The following KIRREL3 variants were observed in gnomAD, a reference collection of about 807,000 sequenced individuals.
KIRREL3 encodes the protein kin of IRRE-like protein 3.
Under a neutral mutation model 89.7 loss-of-function variants are expected in KIRREL3, and 36 were observed. The observed-to-expected ratio is 0.40, with a 90% CI of 0.31 to 0.53. The LOEUF (loss-of-function observed/expected upper bound fraction) is 0.53, where lower values mean the gene tolerates loss of function less well. Among genes scored for constraint, KIRREL3 ranks in the 20% least tolerant of loss-of-function variants. The pLI, the probability that KIRREL3 is intolerant of heterozygous loss-of-function variation, is 0.49. For missense variants in KIRREL3, 864 were observed against 1,056.6 expected (o/e 0.82, Z 2.53); for synonymous variants, 445 against 441.4 (o/e 1.01, Z -0.10).
intron 1 of KIRREL3, among the ~76,000 whole-genome samples, chr11:126,751,434 T>C (rs1395839512): frequency 6.6e-6 from 1 of 152,232 alleles, no homozygotes; most frequent in Non-Finnish European, 1.5e-5. Context: ...TTGAAAGCTG[T>C]TTTAAAAACA....
chr11:126,884,836 G>A (rs1225650087), intron 1 of KIRREL3, among the ~76,000 whole-genome samples: 3 of 152,124 alleles, frequency 2.0e-5, no homozygotes, highest in Non-Finnish European at 4.4e-5. Flanking sequence ...GTACAGAGCT[G>A]CAGTGGTGAG....
chr11:126,852,722 G>T (rs1944383721), intron 1 of KIRREL3, among the ~76,000 whole-genome samples: 1 of 152,196 alleles, frequency 6.6e-6, no homozygotes, highest in South Asian at 2.1e-4. Flanking sequence ...TTTTATCACA[G>T]TAATTTTCAA....
At chr11:126,960,261 A>G (rs1949045363) in intron 1 of KIRREL3, among the ~76,000 whole-genome samples, 1 of 152,220 alleles carries the variant, frequency 6.6e-6, no homozygotes, top group Non-Finnish European at 1.5e-5. Context: ...AGAAACAAGC[A>G]GTTATCTTAA....
At chr11:126,545,610 A>AAAAAT (rs200693654) in intron 2 of KIRREL3, among the ~76,000 whole-genome samples, 3,395 of 148,326 alleles carry the variant, frequency 0.023, 82 homozygotes, top group East Asian at 0.059. Context: ...CTCAATTTTT[A>AAAAAT]AAAATAAAAT....
At chr11:126,842,275 G>A (rs1055822555) in intron 1 of KIRREL3, among the ~76,000 whole-genome samples, 1 of 152,078 alleles carries the variant, frequency 6.6e-6, no homozygotes, top group Non-Finnish European at 1.5e-5. Context: ...GGATGCCCCT[G>A]CTCAATCGGC....
rs563145206 is a variant in KIRREL3, at chr11:126,432,534, G to T, written c.1589-1008C>A. ...GCCAAGGACACACAGGAGCTGCCCA[G>T]CCAGGGTCAATCCAGGTCTCCTCTC... On this transcript the variant is annotated intron_variant, in intron 13 of 16. Transcript: ENST00000525144. This position sits in a 1 kb window ranked among gnomAD's most constrained non-coding sequence, Gnocchi z 6.2. Among the ~76,000 whole-genome samples, 1 of 152,218 alleles carries T rather than the reference G, an allele frequency of 6.6e-6. No homozygotes were observed. Among genetic ancestry groups the T allele is most frequent in the South Asian group, 2.1e-4 (1 of 4,828 alleles).
In KIRREL3 at chr11:126,522,235, G is replaced by C. The variant is rs561251556; in HGVS notation, c.284-771C>G. ...TGATAAGATAGAGAGGAGAGAGAGAGAGACAGACAGACAGAGAGACCCAGG... is the reference window on the plus strand; with the variant it reads ...TGATAAGATAGAGAGGAGAGAGAGACAGACAGACAGACAGAGAGACCCAGG... On this transcript the variant is annotated intron_variant, in intron 3 of 16. Coordinates refer to ENST00000525144, the MANE Select transcript of KIRREL3 (RefSeq NM_032531.4). The surrounding 1 kb of genome is among the most constrained non-coding windows in gnomAD (Gnocchi z 6.0). Among the ~76,000 whole-genome samples, 8 of 152,302 alleles carry C rather than the reference G, an allele frequency of 5.3e-5. No individual in the cohort carries two copies. Among genetic ancestry groups the C allele is most frequent in the Non-Finnish European group, 1.0e-4 (7 of 68,034 alleles).
intron 1 of KIRREL3, among the ~76,000 whole-genome samples, chr11:126,590,587 G>C (rs540513592): frequency 1.3e-5 from 2 of 152,248 alleles, no homozygotes; most frequent in Non-Finnish European, 2.9e-5. Flanking sequence ...TCTCAGCTAA[G>C]TGGGGGGCTG....
chr11:127,000,806 C>T (rs1950298885), upstream of KIRREL3: 3 of 485,304 alleles, frequency 6.2e-6, no homozygotes. This position sits in a 1 kb window ranked among gnomAD's most constrained non-coding sequence, Gnocchi z 7.1. Flanking sequence ...CTTCCTCAGG[C>T]GGGCTCCTCC....
At chr11:126,503,071 T>A (rs892273323) in intron 4 of KIRREL3, among the ~76,000 whole-genome samples, 1 of 152,214 alleles carries the variant, frequency 6.6e-6, no homozygotes, top group African/African-American at 2.4e-5. Flanking sequence ...CCCTTGATTA[T>A]TTTTCCTCCC....
intron 2 of KIRREL3, among the ~76,000 whole-genome samples, chr11:126,559,803 G>A (rs186800527): frequency 4.4e-4 from 67 of 152,132 alleles, no homozygotes; most frequent in African/African-American, 1.6e-3. Flanking sequence ...CTGAGTAGCT[G>A]GGGCTACAGG....
rs1259162243 is a variant in KIRREL3 at position 126,978,733 on chromosome 11, G to A, written c.55+21722C>T. Among the ~76,000 whole-genome samples the A allele has an allele frequency of 2.0e-5, 3 of 152,290 alleles. No individual in the cohort carries two copies. The highest frequency in any genetic ancestry group is 3.4e-3 in the Middle Eastern group (1 of 294). ...CCTGGAGCTTTGCTTCATGGTGGGAGTTTCTCTGAGCTCTGTTCCCCCAAG... is the reference window on the plus strand; with the variant it reads ...CCTGGAGCTTTGCTTCATGGTGGGAATTTCTCTGAGCTCTGTTCCCCCAAG... On this transcript the variant is annotated intron_variant, in intron 1 of 16. Coordinates refer to ENST00000525144, the MANE Select transcript of KIRREL3 (RefSeq NM_032531.4). The surrounding 1 kb of genome is among the most constrained non-coding windows in gnomAD (Gnocchi z 4.2).
rs530140481 is a variant in KIRREL3, at chr11:126,830,355, T to C, written c.55+170100A>G. 1.2e-4 allele frequency among the ~76,000 whole-genome samples: 18 copies of C among 152,322 alleles called. No individual in the cohort carries two copies. In the South Asian group the frequency reaches 3.5e-3, roughly 30 times the overall value. On this transcript the variant is annotated intron_variant, in intron 1 of 16. Coordinates refer to ENST00000525144, the MANE Select transcript of KIRREL3 (RefSeq NM_032531.4). This position sits in a 1 kb window ranked among gnomAD's most constrained non-coding sequence, Gnocchi z 4.9. Reference sequence around the variant, plus strand: ...TCCTGCTTCATAAGTATGAACAGCATCATTACCAAGTGGCGCCCACAGAAT... The same window carrying C: ...TCCTGCTTCATAAGTATGAACAGCACCATTACCAAGTGGCGCCCACAGAAT...
Position 126,431,602 on chromosome 11 carries a change from C to T in KIRREL3, c.1589-76G>A. 1 of 1,415,416 alleles carries T rather than the reference C, an allele frequency of 7.1e-7. No homozygotes were observed. Among genetic ancestry groups the T allele is most frequent in the Admixed American group, 1.9e-5 (1 of 53,586 alleles). The allele number at this position is 1,415,416 out of a possible 1,614,324, so 87.7% of individuals were successfully genotyped here. ...ATCCCCCCATGATCTCACCCCGTTCCTGCGGGGGCAGCCCCTGCCACATGG... is the reference window on the plus strand; with the variant it reads ...ATCCCCCCATGATCTCACCCCGTTCTTGCGGGGGCAGCCCCTGCCACATGG... On this transcript the variant is annotated intron_variant, in intron 13 of 16. Coordinates refer to ENST00000525144, the MANE Select transcript of KIRREL3 (RefSeq NM_032531.4). The surrounding 1 kb of genome is among the most constrained non-coding windows in gnomAD (Gnocchi z 7.1).
In KIRREL3 at chr11:126,743,224, T is replaced by C. The variant is rs142031990; in HGVS notation, c.56-180312A>G. Among the ~76,000 whole-genome samples, 375 of 152,304 alleles carry C rather than the reference T, an allele frequency of 2.5e-3. 3 individuals carry two copies. Among genetic ancestry groups the C allele is most frequent in the African/African-American group, 8.5e-3 (354 of 41,570 alleles). ...CTTGGGGATGGGAGGTGGGTGCTGC[T>C]AAACAGGGGCAAGTCATTTACTGCC... On this transcript the variant is annotated intron_variant, in intron 1 of 16. Transcript: ENST00000525144.
intron 2 of KIRREL3, among the ~76,000 whole-genome samples, chr11:126,532,981 A>C (rs1470642053): frequency 6.6e-6 from 1 of 151,838 alleles, no homozygotes; most frequent in Admixed American, 6.6e-5. Flanking sequence ...CTATTTTTTA[A>C]CTTTTTGTAG....
intron 1 of KIRREL3, among the ~76,000 whole-genome samples, chr11:126,727,602 C>CG (rs532886103): frequency 6.0e-4 from 92 of 152,244 alleles, no homozygotes; most frequent in Non-Finnish European, 1.2e-3. Context: ...CCAGCTCCCT[C>CG]GGGGGGGTCT....
rs1950849003 is a variant in KIRREL3, at chr11:126,797,447, A to G, written c.55+203008T>C. Among the ~76,000 whole-genome samples the G allele has an allele frequency of 6.6e-6, 1 of 152,096 alleles. No individual in the cohort carries two copies. The highest frequency in any genetic ancestry group is 1.5e-5 in the Non-Finnish European group (1 of 68,002). Reference sequence around the variant, plus strand: ...GCTGGTCAGTGTCGGGGGCCCTTCAACTTCTGCTTGCAGAAGCCCGATTCA... The same window carrying G: ...GCTGGTCAGTGTCGGGGGCCCTTCAGCTTCTGCTTGCAGAAGCCCGATTCA... On this transcript the variant is annotated intron_variant, in intron 1 of 16. Coordinates refer to ENST00000525144, the MANE Select transcript of KIRREL3 (RefSeq NM_032531.4). The surrounding 1 kb of genome is among the most constrained non-coding windows in gnomAD (Gnocchi z 4.9).
At position 126,521,714 on chromosome 11, in the gene KIRREL3, GTGTGTGTGTGTGTGTGTA is replaced by G. The variant is rs1250131891; in HGVS notation, c.284-268_284-251del. Among the ~76,000 whole-genome samples the G allele has an allele frequency of 1.3e-5, 1 of 75,624 alleles. No homozygotes were observed. The highest frequency in any genetic ancestry group is 2.8e-5 in the Non-Finnish European group (1 of 35,858). The allele number at this position is 75,624 out of a possible 152,430, so 49.6% of individuals were successfully genotyped here. ...TGTGTGTGTGTGTGTGTGTGTGTGT[GTGTGTGTGTGTGTGTGTA>G]TAAGGGCATTTGGTCTGTTTGTTAG... On this transcript the variant is annotated intron_variant, in intron 3 of 16. Coordinates refer to ENST00000525144, the MANE Select transcript of KIRREL3 (RefSeq NM_032531.4). The surrounding 1 kb of genome is among the most constrained non-coding windows in gnomAD (Gnocchi z 4.1).
Sources: allele counts gnomAD v4.1 joint callset (sites outside exome capture counted in the v4.1 genomes callset), GRCh38; gene constraint gnomAD v4.1.1; non-coding constraint Gnocchi (gnomAD v3.1); transcripts MANE v1.5; gene names NCBI Gene and HGNC (gene_info 2026-07-23, HGNC 2026-07-21).